The following RARS2 variants were observed in gnomAD, a reference collection of about 807,000 sequenced individuals.
The protein encoded by RARS2 is probable arginine--tRNA ligase, mitochondrial.
RARS2 carries 67 observed loss-of-function variants against 88.5 expected under a neutral mutation model. That is an observed-to-expected ratio of 0.76 (90% CI 0.62 to 0.93). The LOEUF is 0.93. RARS2 is among the 40% of genes least tolerant of loss of function. RARS2 has a pLI of 0.00. For synonymous variants in RARS2, 239 were observed against 230.3 expected, an observed-to-expected ratio of 1.04 and a Z score of -0.34; for missense variants, 664 against 684.2, an observed-to-expected ratio of 0.97 and a Z score of 0.33.
intron 1 of RARS2, among the ~76,000 whole-genome samples, chr6:87,571,895 T>C (rs182716859): frequency 2.0e-5 from 3 of 152,308 alleles, no homozygotes; most frequent in Admixed American, 2.0e-4. Flanking sequence ...CCTCTCAGGG[T>C]ACAATATTTT....
chr6:87,573,231 G>A (rs536093196), intron 1 of RARS2, among the ~76,000 whole-genome samples: 3 of 152,214 alleles, frequency 2.0e-5, no homozygotes, highest in South Asian at 2.1e-4. Flanking sequence ...CATCTCACAC[G>A]GTGGGAGCAG....
intron 8 of RARS2, among the ~76,000 whole-genome samples, chr6:87,535,596 A>G (rs1433916703): frequency 6.6e-6 from 1 of 152,124 alleles, no homozygotes. Flanking sequence ...GCAAGGTAGA[A>G]ATACTGAAAT....
chr6:87,514,444 A>G lies in RARS2; in HGVS notation c.1706T>C (p.Leu569Pro), dbSNP rs774965955. Reference sequence around the variant, plus strand: ...CCTACATACAGGTGTTATTCCAAGAAGTTTCATTCCATTGGCTAGGACAGA... The same window carrying G: ...CCTACATACAGGTGTTATTCCAAGAGGTTTCATTCCATTGGCTAGGACAGA... ...VRSVLANGMK[L>P]LGITPVCRM is the part of the protein sequence containing the mutation. Residue 569 changes from leucine (L) to proline (P), a missense_variant, in exon 20 of 20, where the codon CTT becomes CCT. Coordinates refer to ENST00000369536, the MANE Select transcript of RARS2 (RefSeq NM_020320.5). 6.2e-7 allele frequency: 1 copy of G among 1,612,568 alleles called. No individual in the cohort carries two copies. Among genetic ancestry groups the G allele is most frequent in the Non-Finnish European group, 8.5e-7 (1 of 1,178,592 alleles).
At chr6:87,563,618 T>C (rs913326341) in intron 3 of RARS2, among the ~76,000 whole-genome samples, 7 of 152,244 alleles carry the variant, frequency 4.6e-5, no homozygotes, top group African/African-American at 7.2e-5. Flanking sequence ...TTATGTTTAG[T>C]AATTCCTTGC....
intron 6 of RARS2, among the ~76,000 whole-genome samples, chr6:87,545,996 T>C (rs1462572857): frequency 6.6e-6 from 1 of 152,000 alleles, no homozygotes; most frequent in Non-Finnish European, 1.5e-5. Flanking sequence ...TCTAGTCAAT[T>C]TCAAGAAGAG....
intron 6 of RARS2, among the ~76,000 whole-genome samples, chr6:87,546,698 T>C (rs1361546387): frequency 2.6e-5 from 4 of 152,216 alleles, no homozygotes; most frequent in Admixed American, 6.5e-5. Flanking sequence ...TCCAACAACT[T>C]TGTAAACCAT....
intron 2 of RARS2, among the ~76,000 whole-genome samples, chr6:87,565,190 C>T (rs1767495053): frequency 6.6e-6 from 1 of 152,124 alleles, no homozygotes; most frequent in South Asian, 2.1e-4. Context: ...GTCTCTTTAC[C>T]TCTTCTACAA....
At chr6:87,533,023 C>T (rs1778020481) in intron 8 of RARS2, among the ~76,000 whole-genome samples, 1 of 152,098 alleles carries the variant, frequency 6.6e-6, no homozygotes, top group Non-Finnish European at 1.5e-5. Flanking sequence ...TTCTATCTCA[C>T]ACACATACAT....
intron 4 of RARS2, among the ~76,000 whole-genome samples, chr6:87,556,232 T>C (rs1037865854): frequency 1.3e-5 from 2 of 152,222 alleles, no homozygotes; most frequent in African/African-American, 4.8e-5. Flanking sequence ...AAAATTCATA[T>C]TTTATGTTAA....
chr6:87,555,981 G>A (rs1785743292), intron 4 of RARS2, among the ~76,000 whole-genome samples: 1 of 152,194 alleles, frequency 6.6e-6, no homozygotes, highest in African/African-American at 2.4e-5. Context: ...AGAAAGAAAA[G>A]TACTGAGGGA....
intron 1 of RARS2, among the ~76,000 whole-genome samples, chr6:87,574,007 C>A (rs1770634574): frequency 1.3e-5 from 2 of 152,198 alleles, no homozygotes; most frequent in Admixed American, 6.5e-5. Context: ...CTCATTAACA[C>A]CCCAAATCTG....
At chr6:87,561,022 T>C (rs1023723663) in intron 4 of RARS2, among the ~76,000 whole-genome samples, 4 of 151,746 alleles carry the variant, frequency 2.6e-5, no homozygotes, top group East Asian at 1.9e-4. Context: ...TATAAATGAC[T>C]ATGTTAGTGA....
chr6:87,565,101 T>G (rs1562221131), intron 2 of RARS2, among the ~76,000 whole-genome samples: 1 of 152,116 alleles, frequency 6.6e-6, no homozygotes, highest in Non-Finnish European at 1.5e-5. Context: ...TTTATAGACA[T>G]GAAAACTGAT....
chr6:87,570,012 G>A (rs558718877), intron 1 of RARS2, among the ~76,000 whole-genome samples: 7 of 151,246 alleles, frequency 4.6e-5, no homozygotes, highest in Non-Finnish European at 7.4e-5. Context: ...CATTATTCCA[G>A]GTATTAGGGA....
At chr6:87,525,134 C>T (rs896470982) in intron 10 of RARS2, among the ~76,000 whole-genome samples, 1 of 152,080 alleles carries the variant, frequency 6.6e-6, no homozygotes, top group Non-Finnish European at 1.5e-5. Flanking sequence ...AGGACATTAC[C>T]GAGGATGCTA....
At chr6:87,519,242 G>A in intron 14 of RARS2, 1 of 318,446 alleles carries the variant, frequency 3.1e-6, no homozygotes, top group Admixed American at 4.9e-5. Flanking sequence ...CTGATACTTA[G>A]TTTTCCAAGG....
chr6:87,521,964 C>T (rs886586965), intron 11 of RARS2, among the ~76,000 whole-genome samples: 4 of 152,202 alleles, frequency 2.6e-5, no homozygotes, highest in Non-Finnish European at 5.9e-5. Flanking sequence ...TCTAGATACT[C>T]TCCTATTAGT....
At chr6:87,576,887 GTACTT>G (rs1352754318) in intron 1 of RARS2, among the ~76,000 whole-genome samples, 1 of 152,106 alleles carries the variant, frequency 6.6e-6, no homozygotes, top group African/African-American at 2.4e-5. Context: ...TGAAATAAAT[GTACTT>G]TACTTTGTAG....
intron 1 of RARS2, among the ~76,000 whole-genome samples, chr6:87,578,137 T>C (rs922279580): frequency 1.4e-5 from 2 of 144,770 alleles, no homozygotes; most frequent in Admixed American, 1.4e-4. Flanking sequence ...TATTTAAAAA[T>C]AAAAATAATA....
Sources: allele counts gnomAD v4.1 joint callset (sites outside exome capture counted in the v4.1 genomes callset), GRCh38; gene constraint gnomAD v4.1.1; transcripts MANE v1.5; gene names NCBI Gene and HGNC (gene_info 2026-07-23, HGNC 2026-07-21).